MAP4K4: variants seen among roughly 807,000 people sequenced by gnomAD.
MAP4K4 encodes HPK/GCK-like kinase HGK.
Under a neutral mutation model 189.6 loss-of-function variants are expected in MAP4K4, and 38 were observed. The observed-to-expected ratio is 0.20, with a 90% confidence interval of 0.15 to 0.26. The LOEUF is 0.26. MAP4K4 is among the 10% of genes least tolerant of loss of function. The pLI is 1.00. For missense variants in MAP4K4, 1,054 were observed against 1,726.9 expected, an observed-to-expected ratio of 0.61 and a Z score of 6.91; for synonymous variants, 610 against 624.3, an observed-to-expected ratio of 0.98 and a Z score of 0.34.
At chr2:101,893,674 T>C (rs886777717) in exon 33 of MAP4K4, 2 of 154,688 alleles carry the variant, frequency 1.3e-5, no homozygotes, top group African/African-American at 4.8e-5. Flanking sequence ...CTTAACATTA[T>C]CCAAAGACTT....
intron 31 of MAP4K4, 75 bp downstream of exon 31, chr2:101,888,012 G>C: frequency 4.5e-6 from 6 of 1,347,884 alleles, no homozygotes; most frequent in Non-Finnish European, 6.1e-6. Flanking sequence ...TTATCATGCT[G>C]ATTTTGTATG....
At chr2:101,884,720 TAG>T (rs113817217) in intron 28 of MAP4K4, among the ~76,000 whole-genome samples, 5,116 of 152,274 alleles carry the variant, frequency 0.034, 293 homozygotes, top group African/African-American at 0.11. Flanking sequence ...CTTCTGTTGG[TAG>T]AATTCAGGAC....
chr2:101,757,316 A>T (rs1461023197), intron 2 of MAP4K4, among the ~76,000 whole-genome samples: 1 of 152,248 alleles, frequency 6.6e-6, no homozygotes, highest in Non-Finnish European at 1.5e-5. Flanking sequence ...TAGAAATAGC[A>T]TATATAATCT....
At chr2:101,859,393 T>A (rs1412123560) in intron 14 of MAP4K4, among the ~76,000 whole-genome samples, 1 of 152,228 alleles carries the variant, frequency 6.6e-6, no homozygotes, top group Non-Finnish European at 1.5e-5. Context: ...GATTTTTACC[T>A]AGTATCTATA....
At chr2:101,834,342 C>G in intron 7 of MAP4K4, 67 bp from the exon 8 acceptor site, 1 of 1,200,448 alleles carries the variant, frequency 8.3e-7, no homozygotes, top group Non-Finnish European at 1.2e-6. Flanking sequence ...GTGTGAATAC[C>G]CAGACATGTA....
At chr2:101,704,394 C>T (rs1387555276) in intron 2 of MAP4K4, among the ~76,000 whole-genome samples, 1 of 151,822 alleles carries the variant, frequency 6.6e-6, no homozygotes, top group Non-Finnish European at 1.5e-5. Context: ...AAGCCAACCA[C>T]CAAACAAAAC....
chr2:101,880,511 A>G (rs1176101997), intron 27 of MAP4K4, among the ~76,000 whole-genome samples: 1 of 137,380 alleles, frequency 7.3e-6, no homozygotes, highest in Non-Finnish European at 1.6e-5. Flanking sequence ...GTATAGTTCT[A>G]TTTTTTTTTT....
rs1236050765 is a variant in MAP4K4 at position 101,779,808 on chromosome 2, TC to T, written c.124-10911del. Among the ~76,000 whole-genome samples the T allele has an allele frequency of 2.9e-4, 38 of 131,232 alleles. No individual in the cohort carries two copies. The East Asian group carries it at 8.6e-3, about 30-fold the overall frequency. 86.1% of individuals were successfully genotyped at this position (131,232 alleles called of 152,430 possible). On this transcript the variant is annotated intron_variant, in intron 2 of 32. Coordinates refer to ENST00000324219, the Ensembl canonical transcript of MAP4K4. Reference sequence around the variant, plus strand: ...AAAGGTGGGGTTTCTCTTTCACCTCTCTTTTTTTTTTTTTTAAAGGAGGGAC... The same window carrying T: ...AAAGGTGGGGTTTCTCTTTCACCTCTTTTTTTTTTTTTTTAAAGGAGGGAC...
chr2:101,763,247 C>A (rs1255058326), intron 2 of MAP4K4, among the ~76,000 whole-genome samples: 2 of 152,318 alleles, frequency 1.3e-5, no homozygotes, highest in Admixed American at 6.5e-5. Flanking sequence ...CTTATACTTA[C>A]CTACCACACC....
At chr2:101,858,584 T>C (rs2097545496) in intron 13 of MAP4K4, among the ~76,000 whole-genome samples, 1 of 150,650 alleles carries the variant, frequency 6.6e-6, no homozygotes, top group African/African-American at 2.5e-5. Context: ...AAATTGGTGA[T>C]CTGTGCTTGT....
intron 4 of MAP4K4, among the ~76,000 whole-genome samples, chr2:101,824,534 C>T (rs2096268029): frequency 6.6e-6 from 1 of 152,118 alleles, no homozygotes; most frequent in African/African-American, 2.4e-5. Context: ...ACACATTCAA[C>T]CTTACCTCTT....
At position 101,865,089 on chromosome 2, in the gene MAP4K4, C is replaced by T. The variant is rs373776165; in HGVS notation, c.2204+53C>T. The T allele has an allele frequency of 1.5e-5, 16 of 1,058,860 alleles. No individual in the cohort carries two copies. The East Asian group carries it at 2.4e-4, about 16-fold the overall frequency. 65.6% of individuals were successfully genotyped at this position (1,058,860 alleles called of 1,614,324 possible). A position where few individuals can be genotyped will look rare whatever the true frequency, so the allele number is the denominator to read the frequency against. ...GGCCTTCTGTGCAGTCTACCACAGC[C>T]TTACATTGTCTGTTTCATAAAAATG... is the stretch of plus-strand genomic sequence containing the variant. On this transcript the variant is annotated intron_variant, in intron 18 of 32. Coordinates refer to ENST00000324219, the Ensembl canonical transcript of MAP4K4.
intron 3 of MAP4K4, among the ~76,000 whole-genome samples, chr2:101,813,728 C>A (rs2149197768): frequency 6.6e-6 from 1 of 152,268 alleles, no homozygotes; most frequent in South Asian, 2.1e-4. Flanking sequence ...AAGATTTTCC[C>A]CATAAGGACC....
At chr2:101,835,106 A>T (rs942623221) in intron 8 of MAP4K4, among the ~76,000 whole-genome samples, 1 of 152,246 alleles carries the variant, frequency 6.6e-6, no homozygotes, top group Admixed American at 6.5e-5. Context: ...GAAAATAATT[A>T]TCGACAGCTA....
intron 21 of MAP4K4, among the ~76,000 whole-genome samples, chr2:101,869,365 A>T (rs1447187759): frequency 6.6e-6 from 1 of 150,756 alleles, no homozygotes; most frequent in East Asian, 2.0e-4. Flanking sequence ...TCTTTTTTTT[A>T]TTGTCATGGG....
intron 2 of MAP4K4, among the ~76,000 whole-genome samples, chr2:101,723,442 C>T (rs1209359076): frequency 6.6e-6 from 1 of 152,088 alleles, no homozygotes; most frequent in Admixed American, 6.5e-5. Context: ...TAAGCAGAGA[C>T]GGTAGATAAA....
chr2:101,735,005 A>G (rs1371016757), intron 2 of MAP4K4, among the ~76,000 whole-genome samples: 2 of 152,188 alleles, frequency 1.3e-5, no homozygotes, highest in African/African-American at 4.8e-5. Context: ...TCAGAAGACA[A>G]TGAAAATGCA....
intron 12 of MAP4K4, among the ~76,000 whole-genome samples, chr2:101,845,837 G>C (rs2097092003): frequency 6.6e-6 from 1 of 150,584 alleles, no homozygotes; most frequent in South Asian, 2.1e-4. Flanking sequence ...AGACATTATT[G>C]TTTTACCTTT....
At chr2:101,720,176 G>T (rs2050930893) in intron 2 of MAP4K4, among the ~76,000 whole-genome samples, 2 of 129,654 alleles carry the variant, frequency 1.5e-5, no homozygotes, top group Admixed American at 1.7e-4. Context: ...GGTGGGTAAG[G>T]TCAGTGGTGT....
Sources: gnomAD v4.1 joint callset for allele counts (sites outside exome capture counted in the v4.1 genomes callset) on GRCh38, gnomAD v4.1.1 for gene constraint, MANE v1.5 for transcripts, NCBI Gene and HGNC (gene_info 2026-07-23, HGNC 2026-07-21) for gene names.